Variants in PKD1L3 observed in about 807,000 individuals in gnomAD.
PKD1L3 encodes the protein polycystin 1 like 3, transient receptor potential channel interacting, also known as polycystin-1-like protein 3.
PKD1L3 carries 239 observed loss-of-function variants against 184.1 expected under a neutral mutation model. The observed-to-expected ratio is 1.30, with a 90% CI of 1.17 to 1.45. The LOEUF (loss-of-function observed/expected upper bound fraction) is 1.45. Ranked by LOEUF, PKD1L3 falls within the 40% of genes most tolerant of loss-of-function variation. The pLI, the probability that PKD1L3 is intolerant of heterozygous loss-of-function variation, is 0.00. For missense variants in PKD1L3, 2,660 were observed against 2,067.2 expected, an observed-to-expected ratio of 1.29 and a Z score of -5.56; for synonymous variants, 996 against 778.8, an observed-to-expected ratio of 1.28 and a Z score of -4.64.
At chr16:71,975,932 G>A (rs533668985) in intron 11 of PKD1L3, among the ~76,000 whole-genome samples, 1 of 150,114 alleles carries the variant, frequency 6.7e-6, no homozygotes, top group Non-Finnish European at 1.5e-5. Flanking sequence ...GAAACTGGAT[G>A]AGAGGTATAC....
rs1357698826 is a variant in PKD1L3 at position 71,942,838 on chromosome 16, C to T, written c.4046G>A (p.Gly1349Asp). 5.2e-6 allele frequency: 8 copies of T among 1,551,454 alleles called. No homozygotes were observed. Among genetic ancestry groups the T allele is most frequent in the Non-Finnish European group, 7.0e-6 (8 of 1,146,958 alleles). ...LLPSLYGDYR[G>D]KNAVLEPSHC... is the part of the protein sequence containing the mutation. The stretch of plus-strand genomic sequence containing the variant: ...ACTGGGCTCCAGGACTGCATTCTTA[C>T]CTCTGTAATCCCCATACAGGCTAGG... The change falls in exon 24 of 30, where the codon GGT (glycine) becomes GAT (aspartate). Residue 1349 changes from glycine to aspartate, a missense_variant. Gly to Asp is a moderately conservative substitution (Grantham distance 94). Coordinates refer to ENST00000620267, the MANE Select transcript of PKD1L3 (RefSeq NM_181536.2).
chr16:71,998,335 A>T lies in PKD1L3; in HGVS notation c.355T>A (p.Phe119Ile). ...TCCCCTTTGGATGAGATCCGAATGA[A>T]GTTTCTGGACAGGTAGGTGCAGCTG... Reference protein sequence around the residue: ...PLSCTYLSRNFIRISSKGDKC... With the variant: ...PLSCTYLSRNIIRISSKGDKC... Residue 119 changes from phenylalanine to isoleucine, a missense_variant, in exon 2 of 30, where the codon TTC becomes ATC. Phe to Ile is a conservative substitution (Grantham distance 21). Transcript: ENST00000620267. 1.3e-6 allele frequency: 2 copies of T among 1,552,054 alleles called. No homozygotes were observed. The highest frequency in any genetic ancestry group is 1.2e-5 in the South Asian group (1 of 84,068).
intron 22 of PKD1L3, among the ~76,000 whole-genome samples, chr16:71,946,505 G>T (rs1167078430): frequency 2.6e-5 from 4 of 151,946 alleles, no homozygotes; most frequent in Non-Finnish European, 5.9e-5. Context: ...GCCCAAGATT[G>T]TGTTTGTGAG....
At chr16:71,982,281 T>C (rs1265074241) in intron 6 of PKD1L3, 46 bp from the exon 7 acceptor site, 6 of 757,664 alleles carry the variant, frequency 7.9e-6, no homozygotes, top group East Asian at 5.9e-5. Flanking sequence ...TTGTTTGCTT[T>C]TTTTTTTTTT....
chr16:71,983,019 A>G (rs183130956), intron 6 of PKD1L3, among the ~76,000 whole-genome samples: 5 of 152,350 alleles, frequency 3.3e-5, no homozygotes, highest in East Asian at 1.9e-4. Context: ...CATATAACCT[A>G]TAAGGGAGGA....
In PKD1L3 at chr16:71,951,544, T is replaced by C. The variant is rs2038834774; in HGVS notation, c.3190+20A>G. ...GGGAGGCAGATGGAAGATTCGTTAC[T>C]GAAATCTACTGAAGTTTACCACGTG... On this transcript the variant is annotated intron_variant, in intron 19 of 29. Transcript: ENST00000620267. 3.3e-6 allele frequency: 5 copies of C among 1,536,542 alleles called. No individual in the cohort carries two copies. The highest frequency in any genetic ancestry group is 4.4e-6 in the Non-Finnish European group (5 of 1,138,746).
Position 71,980,115 on chromosome 16 carries a change from A to T in PKD1L3, c.1163T>A (p.Met388Lys). The T allele has an allele frequency of 6.4e-7, 1 of 1,551,634 alleles. No individual in the cohort carries two copies. The highest frequency in any genetic ancestry group is 8.7e-7 in the Non-Finnish European group (1 of 1,146,910). ...GATATTCCCAAACTCCACCAAGGAC[A>T]TTTCCAGGATGTCTTCTACCTGCAT... ...HTEPVEDILE[M>K]SLVEFGNIGE... Residue 388 changes from methionine (M) to lysine (K), a missense_variant, in exon 8 of 30, where the codon ATG becomes AAG. By Grantham distance (95) the Met-to-Lys change is moderately conservative. Transcript: ENST00000620267.
At chr16:71,992,734 T>TGTGAG (rs1467755852) in intron 3 of PKD1L3, among the ~76,000 whole-genome samples, 1 of 152,228 alleles carries the variant, frequency 6.6e-6, no homozygotes, top group Non-Finnish European at 1.5e-5. Flanking sequence ...CATTTGCAGC[T>TGTGAG]GTGAGGTCAT....
At chr16:71,948,871 AGTT>A (rs1244515798) in intron 21 of PKD1L3, among the ~76,000 whole-genome samples, 1 of 147,352 alleles carries the variant, frequency 6.8e-6, no homozygotes, top group Non-Finnish European at 1.5e-5. Flanking sequence ...TAATACTTAG[AGTT>A]GTATATCCAC....
At chr16:71,974,171 G>A (rs996440774) in intron 11 of PKD1L3, among the ~76,000 whole-genome samples, 2 of 152,174 alleles carry the variant, frequency 1.3e-5, no homozygotes, top group Non-Finnish European at 2.9e-5. Context: ...CATAGAGATA[G>A]GGCAGCTTCA....
intron 29 of PKD1L3, 90 bp from the exon 30 acceptor site, chr16:71,929,768 T>C (rs2037859256): frequency 7.2e-6 from 9 of 1,244,828 alleles, no homozygotes; most frequent in Non-Finnish European, 8.8e-6. Flanking sequence ...TTTTAAAAAA[T>C]TAGTAAATGT....
chr16:71,953,663 G>A (rs930272084), intron 17 of PKD1L3, among the ~76,000 whole-genome samples: 3 of 151,974 alleles, frequency 2.0e-5, no homozygotes, highest in Admixed American at 6.6e-5. Flanking sequence ...GTGCAATCTC[G>A]GCTCACTGCA....
rs750573789 is a variant in PKD1L3, at chr16:71,951,676, C to T, written c.3078G>A (p.Pro1026=). The change falls in exon 19 of 30, where the codon CCG becomes CCA. Residue 1026 remains proline, a synonymous_variant. Transcript: ENST00000620267. ...NTYLLSKCEQ[P]PWSSWDITKL... Reference sequence around the variant, plus strand: ...TAGTAATGTCCCAAGAACTCCATGGCGGCTGCTCACACTTGGAGAGTAGGT... The same window carrying T: ...TAGTAATGTCCCAAGAACTCCATGGTGGCTGCTCACACTTGGAGAGTAGGT... 37 of 1,551,500 alleles carry T rather than the reference C, an allele frequency of 2.4e-5. No homozygotes were observed. The highest frequency in any genetic ancestry group is 2.3e-4 in the African/African-American group (17 of 73,030).
intron 12 of PKD1L3, among the ~76,000 whole-genome samples, chr16:71,972,194 C>G (rs937907160): frequency 2.0e-5 from 3 of 150,570 alleles, no homozygotes; most frequent in African/African-American, 7.4e-5. Context: ...CCAGCCTGGC[C>G]GATAGAGCAA....
At chr16:71,953,702 A>T (rs2038937304) in intron 17 of PKD1L3, among the ~76,000 whole-genome samples, 1 of 152,006 alleles carries the variant, frequency 6.6e-6, no homozygotes, top group Admixed American at 6.6e-5. Flanking sequence ...TAAGCAATTC[A>T]ACCATCAGAT....
chr16:71,992,882 G>C (rs982847757), intron 3 of PKD1L3, among the ~76,000 whole-genome samples: 2 of 152,130 alleles, frequency 1.3e-5, no homozygotes, highest in African/African-American at 4.8e-5. Context: ...AATAGTACTT[G>C]TTTTTCAAAA....
At position 71,930,042 on chromosome 16, in the gene PKD1L3, A is replaced by G; in HGVS notation, c.5058+10T>C. On this transcript the variant is annotated intron_variant, in intron 29 of 29. Transcript: ENST00000620267. Reference sequence around the variant, plus strand: ...ATAACAGCATGCTAGTTTATCTTTTAGTTACCTACCTTAAGCGACTTTCTT... The same window carrying G: ...ATAACAGCATGCTAGTTTATCTTTTGGTTACCTACCTTAAGCGACTTTCTT... 1 of 1,545,004 alleles carries G rather than the reference A, an allele frequency of 6.5e-7. No homozygotes were observed. The highest frequency in any genetic ancestry group is 1.2e-5 in the South Asian group (1 of 83,402).
chr16:71,996,260 T>A (rs2143898093), intron 2 of PKD1L3, among the ~76,000 whole-genome samples: 1 of 140,780 alleles, frequency 7.1e-6, no homozygotes, highest in African/African-American at 2.7e-5. Context: ...CGCCTTTTTT[T>A]TTTTTTTTTT....
At chr16:71,938,021 A>C (rs2038238011) in intron 24 of PKD1L3, among the ~76,000 whole-genome samples, 1 of 152,160 alleles carries the variant, frequency 6.6e-6, no homozygotes, top group South Asian at 2.1e-4. Flanking sequence ...GGAGCCAGTA[A>C]CAGGTGGGAG....
Sources: gnomAD v4.1 joint callset for allele counts (sites outside exome capture counted in the v4.1 genomes callset) on GRCh38, gnomAD v4.1.1 for gene constraint, MANE v1.5 for transcripts, NCBI Gene and HGNC (gene_info 2026-07-23, HGNC 2026-07-21) for gene names.